The following SLC24A2 variants were observed in gnomAD, a reference collection of about 807,000 sequenced individuals.
SLC24A2 encodes sodium/potassium/calcium exchanger 2.
Under a neutral mutation model 62.0 loss-of-function variants are expected in SLC24A2, and 36 were observed. That is an observed-to-expected ratio of 0.58 (90% CI 0.44 to 0.77). SLC24A2 has a LOEUF of 0.77. SLC24A2 is among the 30% of genes least tolerant of loss of function. The pLI, the probability that SLC24A2 is intolerant of heterozygous loss-of-function variation, is 0.00. For synonymous variants in SLC24A2, 358 were observed against 294.0 expected (o/e 1.22, Z -2.23); for missense variants, 846 against 817.9 (o/e 1.03, Z -0.42).
chr9:19,736,475 A>T (rs1201686629), intron 2 of SLC24A2, among the ~76,000 whole-genome samples: 1 of 152,196 alleles, frequency 6.6e-6, no homozygotes, highest in Non-Finnish European at 1.5e-5. Flanking sequence ...ATAAACATTA[A>T]CCAAAAGAAG....
intron 6 of SLC24A2, among the ~76,000 whole-genome samples, chr9:19,574,115 A>G (rs1431357286): frequency 6.6e-6 from 1 of 152,150 alleles, no homozygotes; most frequent in Admixed American, 6.5e-5. Context: ...TCCAAGGGAC[A>G]TTATGTTCAG....
chr9:20,199,972 C>G, the SLC24A2 span, among the ~76,000 whole-genome samples: 5,890 of 150,258 alleles, frequency 0.039, 399 homozygotes, highest in African/African-American at 0.14. Context: ...CTCAGGTGAT[C>G]CGCCCATCTC....
chr9:19,818,413 C>G, the SLC24A2 span, among the ~76,000 whole-genome samples: 784 of 152,226 alleles, frequency 5.2e-3, 8 homozygotes, highest in African/African-American at 0.018. Context: ...TTCACAAACT[C>G]TCACTGTTTG....
the SLC24A2 span, among the ~76,000 whole-genome samples, chr9:19,884,809 A>G: frequency 6.6e-6 from 1 of 152,180 alleles, no homozygotes; most frequent in African/African-American, 2.4e-5. Flanking sequence ...ATTTTGCCCA[A>G]CAGTAGGCTA....
chr9:19,799,454 T>C, the SLC24A2 span, among the ~76,000 whole-genome samples: 1 of 152,230 alleles, frequency 6.6e-6, no homozygotes, highest in African/African-American at 2.4e-5. Context: ...TACTCACTCA[T>C]CTTTTACTGT....
At chr9:20,072,665 C>A in the SLC24A2 span, among the ~76,000 whole-genome samples, 2 of 151,622 alleles carry the variant, frequency 1.3e-5, no homozygotes, top group African/African-American at 4.9e-5. Context: ...TCGCAATGAT[C>A]TTTTTAAGAG....
At chr9:20,291,499 G>C in the SLC24A2 span, among the ~76,000 whole-genome samples, 1 of 152,096 alleles carries the variant, frequency 6.6e-6, no homozygotes, top group Non-Finnish European at 1.5e-5. Flanking sequence ...TCTCCCTCGG[G>C]CTCCACACAA....
rs369189392 is a variant in SLC24A2 at position 19,786,659 on chromosome 9, C to T, written c.208G>A (p.Ala70Thr). The T allele has an allele frequency of 1.2e-5, 19 of 1,614,070 alleles. 2 individuals carry two copies. The highest frequency in any genetic ancestry group is 7.7e-5 in the South Asian group (7 of 91,066). Residue 70 changes from alanine (A) to threonine (T), a missense_variant, in exon 2 of 11, where the codon GCC becomes ACC. Coordinates refer to ENST00000341998, the MANE Select transcript of SLC24A2 (RefSeq NM_020344.4). The surrounding 1 kb of genome is among the most constrained non-coding windows in gnomAD (Gnocchi z 5.0). ...SETDTQSTGE[A>T]SVVSGPRVAQ... Reference sequence around the variant, plus strand: ...ACCCTAGGGCCACTTACAACACTGGCCTCTCCTGTGCTCTGTGTATCTGTC... The same window carrying T: ...ACCCTAGGGCCACTTACAACACTGGTCTCTCCTGTGCTCTGTGTATCTGTC...
chr9:19,839,802 A>G, the SLC24A2 span, among the ~76,000 whole-genome samples: 1 of 152,216 alleles, frequency 6.6e-6, no homozygotes, highest in Non-Finnish European at 1.5e-5. Context: ...GAGTAGTCCC[A>G]TAAGATTATA....
the SLC24A2 span, among the ~76,000 whole-genome samples, chr9:19,998,889 G>A: frequency 6.6e-6 from 1 of 152,172 alleles, no homozygotes; most frequent in African/African-American, 2.4e-5. Flanking sequence ...GATGATGGGG[G>A]ACCTCAGCCA....
chr9:19,546,708 T>G (rs1236152031), intron 8 of SLC24A2, among the ~76,000 whole-genome samples: 1 of 151,474 alleles, frequency 6.6e-6, no homozygotes, highest in Admixed American at 6.6e-5. Flanking sequence ...TCTGTCTCAC[T>G]GGTGTTCTGG....
the SLC24A2 span, among the ~76,000 whole-genome samples, chr9:20,003,351 G>A: frequency 2.0e-5 from 3 of 152,296 alleles, no homozygotes; most frequent in Middle Eastern, 3.4e-3. Flanking sequence ...GATATGGTGA[G>A]CATGCTATTG....
chr9:19,766,705 T>C (rs202198338), intron 2 of SLC24A2, among the ~76,000 whole-genome samples: 1 of 152,138 alleles, frequency 6.6e-6, no homozygotes, highest in African/African-American at 2.4e-5. Context: ...CCAGCCAGAG[T>C]TCTCCTGTAT....
chr9:20,004,843 T>C, the SLC24A2 span, among the ~76,000 whole-genome samples: 1 of 152,098 alleles, frequency 6.6e-6, no homozygotes, highest in East Asian at 1.9e-4. Flanking sequence ...GATTTCATAA[T>C]TGAACCTGAG....
the SLC24A2 span, among the ~76,000 whole-genome samples, chr9:20,097,953 A>G: frequency 2.0e-5 from 3 of 151,740 alleles, no homozygotes; most frequent in Non-Finnish European, 4.4e-5. Flanking sequence ...CATGTTAGCC[A>G]GTATGGTCTC....
At chr9:19,547,789 G>C (rs1344207268) in intron 8 of SLC24A2, among the ~76,000 whole-genome samples, 1 of 151,428 alleles carries the variant, frequency 6.6e-6, no homozygotes, top group African/African-American at 2.5e-5. Flanking sequence ...TTCCTCCCTA[G>C]GGCCACACAA....
upstream of SLC24A2, among the ~76,000 whole-genome samples, chr9:19,790,580 A>G (rs1035253169): frequency 4.6e-5 from 7 of 152,126 alleles, no homozygotes; most frequent in Non-Finnish European, 8.8e-5. Flanking sequence ...CACATCAAAC[A>G]TGATTATATC....
the SLC24A2 span, among the ~76,000 whole-genome samples, chr9:20,242,472 T>A: frequency 6.6e-6 from 1 of 152,212 alleles, no homozygotes; most frequent in African/African-American, 2.4e-5. Flanking sequence ...ATGTTCAGAA[T>A]TGTCCTCCAA....
chr9:19,606,687 T>C (rs1280192833), intron 4 of SLC24A2, among the ~76,000 whole-genome samples: 2 of 152,220 alleles, frequency 1.3e-5, no homozygotes, highest in East Asian at 1.9e-4. Context: ...AAGTCTGATA[T>C]AGACCTGTAA....
Sources: gnomAD v4.1 joint callset for allele counts (sites outside exome capture counted in the v4.1 genomes callset) on GRCh38, gnomAD v4.1.1 for gene constraint, Gnocchi (gnomAD v3.1) non-coding constraint, MANE v1.5 for transcripts, NCBI Gene and HGNC (gene_info 2026-07-23, HGNC 2026-07-21) for gene names.